The following FBLN5 variants were observed in gnomAD, a reference collection of about 807,000 sequenced individuals.
The protein encoded by FBLN5 is fibulin 5.
FBLN5 carries 24 observed loss-of-function variants against 61.6 expected under a neutral mutation model. That is an observed-to-expected ratio of 0.39 (90% CI 0.28 to 0.55). FBLN5 has a LOEUF of 0.55. Among genes scored for constraint, FBLN5 ranks in the 20% least tolerant of loss-of-function variants. The pLI is 0.65. For missense variants in FBLN5, 470 were observed against 594.1 expected (o/e 0.79, Z 2.17); for synonymous variants, 213 against 219.8 (o/e 0.97, Z 0.27).
chr14:91,931,998 T>C (rs1230255452), intron 4 of FBLN5, among the ~76,000 whole-genome samples: 2 of 152,148 alleles, frequency 1.3e-5, no homozygotes, highest in African/African-American at 4.8e-5. Flanking sequence ...ACTCTACGTA[T>C]GTGTTTGATT....
chr14:91,876,706 T>C (rs1030347546), intron 10 of FBLN5, among the ~76,000 whole-genome samples: 2 of 152,164 alleles, frequency 1.3e-5, no homozygotes, highest in African/African-American at 4.8e-5. Context: ...CGGATTCTCC[T>C]CTAGAGCCTC....
At chr14:91,939,629 A>T (rs112054153) in intron 3 of FBLN5, among the ~76,000 whole-genome samples, 248 of 152,300 alleles carry the variant, frequency 1.6e-3, no homozygotes, top group Admixed American at 3.1e-3. Flanking sequence ...GGCGTGAGCC[A>T]CCGCACCCGG....
At chr14:91,932,675 C>T (rs1203233207) in intron 4 of FBLN5, among the ~76,000 whole-genome samples, 1 of 152,160 alleles carries the variant, frequency 6.6e-6, no homozygotes, top group African/African-American at 2.4e-5. Context: ...TGGATCAAGT[C>T]CCTAGATCTA....
rs759349818 is a variant in FBLN5, at chr14:91,882,965, C to T, written c.851G>A (p.Arg284Gln). 40 of 1,613,984 alleles carry T rather than the reference C, an allele frequency of 2.5e-5. No homozygotes were observed. The Middle Eastern group carries it at 5.0e-4, about 20-fold the overall frequency. ...PPGYILLDDN[R>Q]SCQDINECEH... ...CCGGACAGCCTTACCTTGGCAGCTT[C>T]GGTTGTCATCCAGCAGGATGTAGCC... The change falls in exon 8 of 11, where the codon CGA becomes CAA. Residue 284 changes from arginine (R) to glutamine (Q), a missense_variant. Arg to Gln is a conservative substitution (Grantham distance 43, BLOSUM62 1). Transcript: ENST00000342058. The surrounding 1 kb of genome is among the most constrained non-coding windows in gnomAD (Gnocchi z 4.9).
chr14:91,899,375 G>A (rs991602535), intron 4 of FBLN5, among the ~76,000 whole-genome samples: 3 of 152,184 alleles, frequency 2.0e-5, no homozygotes, highest in Non-Finnish European at 2.9e-5. Flanking sequence ...ACTATCTGCT[G>A]CCCAGATGAC....
At chr14:91,930,660 T>G (rs1345844298) in intron 4 of FBLN5, among the ~76,000 whole-genome samples, 1 of 152,180 alleles carries the variant, frequency 6.6e-6, no homozygotes, top group Non-Finnish European at 1.5e-5. Context: ...GAAGGCCGCC[T>G]TCTCCTCCCT....
intron 4 of FBLN5, among the ~76,000 whole-genome samples, chr14:91,929,951 T>C (rs1398955494): frequency 6.6e-6 from 1 of 152,208 alleles, no homozygotes; most frequent in Non-Finnish European, 1.5e-5. Flanking sequence ...GTCCTGTCTG[T>C]GTTTGTGTCT....
chr14:91,915,473 C>T (rs997781084), intron 4 of FBLN5, among the ~76,000 whole-genome samples: 1 of 151,884 alleles, frequency 6.6e-6, no homozygotes, highest in African/African-American at 2.4e-5. Context: ...ATCACGAGGT[C>T]AGGAGATCGA....
chr14:91,941,133 T>C (rs1484251062), intron 2 of FBLN5, among the ~76,000 whole-genome samples: 1 of 152,160 alleles, frequency 6.6e-6, no homozygotes, highest in Non-Finnish European at 1.5e-5. Flanking sequence ...CAATGACTCT[T>C]TCTTTAGGTG....
Position 91,942,812 on chromosome 14 carries a change from C to T in FBLN5, c.72+95G>A, listed in dbSNP as rs1328931229. ...GAGGTCAACTGTAAAGCCACTCCCA[C>T]CCCCACAAACCTAGGGTTCCGTAGC... On this transcript the variant is annotated intron_variant, in intron 2 of 10. Transcript: ENST00000342058. 2.0e-4 allele frequency: 160 copies of T among 783,590 alleles called. No individual in the cohort carries two copies. In the South Asian group the frequency reaches 2.3e-3, roughly 11 times the overall value. The allele number at this position is 783,590 out of a possible 1,614,324, so 48.5% of individuals were successfully genotyped here.
At position 91,932,733 on chromosome 14, in the gene FBLN5, G is replaced by A. The variant is rs568829883; in HGVS notation, c.379+4214C>T. On this transcript the variant is annotated intron_variant, in intron 4 of 10. Transcript: ENST00000342058. ...AGGGGACGAAGGAATAAGATAACCCGCGCCCCGGCAAGAGTGCAATCAGCC... is the reference window on the plus strand; with the variant it reads ...AGGGGACGAAGGAATAAGATAACCCACGCCCCGGCAAGAGTGCAATCAGCC... Among the ~76,000 whole-genome samples the A allele has an allele frequency of 8.5e-5, 13 of 152,304 alleles. No individual in the cohort carries two copies. The East Asian group carries it at 2.1e-3, about 25-fold the overall frequency.
intron 4 of FBLN5, among the ~76,000 whole-genome samples, chr14:91,919,378 A>AAGAAAGGAAGG (rs762859114): frequency 4.5e-4 from 28 of 62,278 alleles, no homozygotes; most frequent in East Asian, 8.2e-4. Flanking sequence ...AAAGAAAAGA[A>AAGAAAGGAAGG]AAGAAAGAAA....
chr14:91,870,120 G>C lies in FBLN5; in HGVS notation c.*104C>G. On this transcript the variant is annotated 3_prime_UTR_variant, in exon 11 of 11. Transcript: ENST00000342058. The stretch of plus-strand genomic sequence containing the variant: ...GACTCTTCGGGGAAACGTTCAGCAG[G>C]AAATGCCTAACGTCTGTGTCGCTCT... 1.6e-6 allele frequency: 2 copies of C among 1,214,842 alleles called. No individual in the cohort carries two copies. The highest frequency in any genetic ancestry group is 2.5e-5 in the South Asian group (2 of 80,652). 75.3% of individuals were successfully genotyped at this position (1,214,842 alleles called of 1,614,324 possible).
chr14:91,894,428 C>CAAAAAAAAAAAAAGA (rs1491576623), intron 5 of FBLN5, among the ~76,000 whole-genome samples: 1 of 72,600 alleles, frequency 1.4e-5, no homozygotes, highest in African/African-American at 5.1e-5. Flanking sequence ...AAAAAAAAAA[C>CAAAAAAAAAAAAAGA]CGAAAAAAAC....
intron 7 of FBLN5, among the ~76,000 whole-genome samples, chr14:91,883,902 C>A (rs1034725217): frequency 6.6e-6 from 1 of 152,192 alleles, no homozygotes; most frequent in African/African-American, 2.4e-5. Context: ...CAGAAGCAGA[C>A]GTTCCAGAAA....
chr14:91,928,902 C>CA (rs1266589353), intron 4 of FBLN5, among the ~76,000 whole-genome samples: 1 of 150,148 alleles, frequency 6.7e-6, no homozygotes, highest in African/African-American at 2.5e-5. Flanking sequence ...ACTAAAAATA[C>CA]AAAAAATTAG....
intron 10 of FBLN5, chr14:91,874,712 G>A (rs1225427736): frequency 6.6e-6 from 1 of 152,236 alleles, no homozygotes; most frequent in Non-Finnish European, 1.5e-5. Context: ...ACGGCTTGCT[G>A]CTGATGCTGT....
chr14:91,924,223 C>T (rs1199088211), intron 4 of FBLN5, among the ~76,000 whole-genome samples: 1 of 152,234 alleles, frequency 6.6e-6, no homozygotes, highest in East Asian at 1.9e-4. Flanking sequence ...CAGACCTCAA[C>T]ACATAAATGG....
chr14:91,885,407 A>G (rs1470062280), intron 7 of FBLN5, among the ~76,000 whole-genome samples: 1 of 152,130 alleles, frequency 6.6e-6, no homozygotes, highest in Non-Finnish European at 1.5e-5. Context: ...TCCAAAAAAA[A>G]CCTCCTTGAA....
Sources: allele counts gnomAD v4.1 joint callset (sites outside exome capture counted in the v4.1 genomes callset), GRCh38; gene constraint gnomAD v4.1.1; non-coding constraint Gnocchi (gnomAD v3.1); transcripts MANE v1.5; gene names NCBI Gene and HGNC (gene_info 2026-07-23, HGNC 2026-07-21).